EOGT: variants seen among roughly 807,000 people sequenced by gnomAD.
EOGT encodes EGF domain-specific O-linked N-acetylglucosamine transferase.
A neutral mutation model predicts 70.5 loss-of-function variants in EOGT; 55 were observed. The ratio of observed to expected loss-of-function variants is 0.78; its 90% CI spans 0.63 to 0.98. The LOEUF is 0.98. EOGT is among the 50% of genes least tolerant of loss of function. The pLI, the probability that EOGT is intolerant of heterozygous loss-of-function variation, is 0.00. For missense variants in EOGT, 703 were observed against 641.9 expected (o/e 1.10, Z -1.03); for synonymous variants, 246 against 217.1 (o/e 1.13, Z -1.17).
At chr3:69,005,301 C>A in intron 6 of EOGT, 67 bp from the exon 7 acceptor site, 1 of 838,856 alleles carries the variant, frequency 1.2e-6, no homozygotes, top group Admixed American at 2.2e-5. Flanking sequence ...TCCGGACTTG[C>A]TAGACACACT....
At chr3:68,981,824 T>C (rs888082191) in intron 15 of EOGT, among the ~76,000 whole-genome samples, 5 of 145,626 alleles carry the variant, frequency 3.4e-5, no homozygotes, top group African/African-American at 1.4e-4. Flanking sequence ...CATCTAAATT[T>C]TGATAACTTT....
At chr3:68,991,888 C>T (rs1055441349) in intron 10 of EOGT, among the ~76,000 whole-genome samples, 12 of 152,200 alleles carry the variant, frequency 7.9e-5, no homozygotes, top group African/African-American at 1.4e-4. Flanking sequence ...TACATGGCAG[C>T]GGCAAGAGAA....
At chr3:68,986,871 C>G (rs374849480) in intron 14 of EOGT, among the ~76,000 whole-genome samples, 1 of 152,212 alleles carries the variant, frequency 6.6e-6, no homozygotes, top group Non-Finnish European at 1.5e-5. Flanking sequence ...ATAGCAGGTG[C>G]TCAATTAACT....
chr3:69,004,233 C>T (rs1158938205), intron 8 of EOGT, 145 bp downstream of exon 8: 2 of 622,268 alleles, frequency 3.2e-6, no homozygotes, highest in African/African-American at 1.8e-5. Flanking sequence ...GAGGGATTCA[C>T]TCGGTTTCCG....
intron 8 of EOGT, among the ~76,000 whole-genome samples, chr3:69,002,829 T>C (rs1343759089): frequency 6.6e-6 from 1 of 152,058 alleles, no homozygotes; most frequent in Non-Finnish European, 1.5e-5. Flanking sequence ...TAATTTATTT[T>C]TATTTTTTAT....
rs1236883354 is a variant in EOGT, at chr3:68,988,948, A to G, written c.901T>C (p.Leu301=). 1.4e-5 allele frequency: 21 copies of G among 1,527,848 alleles called. No individual in the cohort carries two copies. The highest frequency in any genetic ancestry group is 1.7e-4 in the Middle Eastern group (1 of 5,984). 94.6% of individuals were successfully genotyped at this position (1,527,848 alleles called of 1,614,324 possible). A position where few individuals can be genotyped will look rare whatever the true frequency, so the allele number is the denominator to read the frequency against. Reference sequence around the variant, plus strand: ...ACCCTTTTGGAATCATAAGTTTTCAAATGTATAACGTCATAATCAGTAAAT... The same window carrying G: ...ACCCTTTTGGAATCATAAGTTTTCAGATGTATAACGTCATAATCAGTAAAT... ...NAFTDYDVIH[L]KTYDSKRVCF... The change falls in exon 11 of 18, where the codon TTG becomes CTG. Residue 301 remains leucine, a synonymous_variant. Transcript: ENST00000383701.
At position 69,009,466 on chromosome 3, in the gene EOGT, T is replaced by C. The variant is rs571535838; in HGVS notation, c.210+171A>G. Among the ~76,000 whole-genome samples, 167 of 152,334 alleles carry C rather than the reference T, an allele frequency of 1.1e-3. 1 individual carries two copies. In the South Asian group the frequency reaches 0.023, roughly 21 times the overall value. ...AAATTTCTCTCTTATGAATGGGACA[T>C]AATTTTAAGCAGTTTAGTCACTTAG... is the stretch of plus-strand genomic sequence containing the variant. On this transcript the variant is annotated intron_variant, in intron 4 of 17. Coordinates refer to ENST00000383701, the MANE Select transcript of EOGT (RefSeq NM_001278689.2).
intron 8 of EOGT, among the ~76,000 whole-genome samples, chr3:69,002,972 T>C (rs2091338122): frequency 6.6e-6 from 1 of 152,156 alleles, no homozygotes; most frequent in South Asian, 2.1e-4. Context: ...CTGGCCTTGG[T>C]ATGGACATTT....
chr3:69,007,628 G>T, intron 6 of EOGT, 85 bp downstream of exon 6: 1 of 829,438 alleles, frequency 1.2e-6, no homozygotes, highest in Non-Finnish European at 1.8e-6. Context: ...CTCCAGCCAG[G>T]GCAATAGACA....
At chr3:69,005,710 A>G (rs2091423351) in intron 6 of EOGT, among the ~76,000 whole-genome samples, 1 of 152,198 alleles carries the variant, frequency 6.6e-6, no homozygotes. Context: ...AGCTTGTGGG[A>G]GCCTCTGTCT....
intron 14 of EOGT, among the ~76,000 whole-genome samples, chr3:68,983,588 G>A (rs749125152): frequency 6.6e-6 from 1 of 152,242 alleles, no homozygotes; most frequent in Non-Finnish European, 1.5e-5. Context: ...ATCAACAGTT[G>A]CAAGTATCAT....
chr3:68,987,579 C>A (rs928254998), intron 13 of EOGT, 66 bp from the exon 14 acceptor site: 2 of 1,190,468 alleles, frequency 1.7e-6, no homozygotes, highest in Non-Finnish European at 2.5e-6. Context: ...AACATCTGAA[C>A]CCAAAATGTG....
chr3:68,998,157 C>T, intron 9 of EOGT, 43 bp from the exon 10 acceptor site: 5 of 1,088,782 alleles, frequency 4.6e-6, no homozygotes, highest in Non-Finnish European at 7.0e-6. Flanking sequence ...CACCAAAGAG[C>T]ACATGATCAA....
intron 9 of EOGT, among the ~76,000 whole-genome samples, chr3:68,999,761 T>C (rs541636916): frequency 1.3e-5 from 2 of 152,298 alleles, no homozygotes; most frequent in East Asian, 1.9e-4. Context: ...TAACATTTAG[T>C]GAGTTCCTAA....
intron 3 of EOGT, 81 bp from the exon 4 acceptor site, chr3:69,009,941 AAAAAAAAAC>A: frequency 1.1e-4 from 82 of 739,358 alleles, no homozygotes; most frequent in Non-Finnish European, 1.5e-4. Flanking sequence ...AACAAAAAAA[AAAAAAAAAC>A]AAAGGGTCAA....
chr3:68,985,764 T>C (rs2090788427), intron 14 of EOGT, among the ~76,000 whole-genome samples: 1 of 152,224 alleles, frequency 6.6e-6, no homozygotes, highest in Admixed American at 6.5e-5. Context: ...TGTCTCTCCC[T>C]CTGTATTTGT....
At chr3:68,985,911 T>C (rs993547444) in intron 14 of EOGT, among the ~76,000 whole-genome samples, 8 of 152,164 alleles carry the variant, frequency 5.3e-5, no homozygotes, top group Admixed American at 2.6e-4. Context: ...CAGGGCTGTG[T>C]TCCTCCTGCA....
rs553997127 is a variant in EOGT at position 68,991,858 on chromosome 3, G to A, written c.832-2841C>T. On this transcript the variant is annotated intron_variant, in intron 10 of 17. Transcript: ENST00000383701. Reference sequence around the variant, plus strand: ...GCTGGGGAGGCCTCAGAACCATGGCGGGAGGTGAAAGACACTTCTTACATG... The same window carrying A: ...GCTGGGGAGGCCTCAGAACCATGGCAGGAGGTGAAAGACACTTCTTACATG... 1.4e-3 allele frequency among the ~76,000 whole-genome samples: 210 copies of A among 152,258 alleles called. 1 individual carries two copies. The highest frequency in any genetic ancestry group is 4.1e-3 in the African/African-American group (172 of 41,534).
intron 9 of EOGT, among the ~76,000 whole-genome samples, chr3:69,000,910 AG>A (rs2091277599): frequency 6.6e-6 from 1 of 152,026 alleles, no homozygotes; most frequent in African/African-American, 2.4e-5. Flanking sequence ...TTGTCAGCGC[AG>A]GTCATGGACA....
Sources: gnomAD v4.1 joint callset for allele counts (sites outside exome capture counted in the v4.1 genomes callset) on GRCh38, gnomAD v4.1.1 for gene constraint, MANE v1.5 for transcripts, NCBI Gene and HGNC (gene_info 2026-07-23, HGNC 2026-07-21) for gene names.